SMYD3: variants seen among roughly 807,000 people sequenced by gnomAD.
The protein encoded by SMYD3 is SET and MYND domain containing 3, also known as histone-lysine N-methyltransferase SMYD3.
In SMYD3, 36 loss-of-function variants were observed where a neutral mutation model predicts 57.7. That is an observed-to-expected ratio of 0.62 (90% CI 0.48 to 0.82). SMYD3 has a LOEUF of 0.82. Ranked by LOEUF, SMYD3 falls within the 40% of genes least tolerant of loss-of-function variation. The pLI is 0.00. For synonymous variants in SMYD3, 211 were observed against 195.0 expected, an observed-to-expected ratio of 1.08 and a Z score of -0.68; for missense variants, 515 against 538.8, an observed-to-expected ratio of 0.96 and a Z score of 0.44.
chr1:246,257,922 G>C (rs1315130644), intron 5 of SMYD3, among the ~76,000 whole-genome samples: 2 of 152,110 alleles, frequency 1.3e-5, no homozygotes, highest in Non-Finnish European at 2.9e-5. Context: ...TTTACCTACT[G>C]GCATGAGTAA....
In SMYD3 at chr1:246,036,659, T is replaced by C. The variant is rs946945378; in HGVS notation, c.532-106722A>G. ...AGCTCCACCTCCCGGGTTTACGCCA[T>C]TCTCCTGCCTCAGCCTCCTGAGTAG... On this transcript the variant is annotated intron_variant, in intron 5 of 11. Transcript: ENST00000490107. Among the ~76,000 whole-genome samples the C allele has an allele frequency of 1.3e-4, 20 of 151,118 alleles. 1 individual carries two copies. Among genetic ancestry groups the C allele is most frequent in the Non-Finnish European group, 2.8e-4 (19 of 67,802 alleles).
chr1:246,213,375 G>A (rs780809775), intron 5 of SMYD3, among the ~76,000 whole-genome samples: 3 of 152,156 alleles, frequency 2.0e-5, no homozygotes, highest in Non-Finnish European at 2.9e-5. Context: ...CAGCTCATCC[G>A]CAAGAAGACA....
chr1:245,934,684 G>A (rs901629023), intron 5 of SMYD3, among the ~76,000 whole-genome samples: 11 of 152,052 alleles, frequency 7.2e-5, no homozygotes, highest in African/African-American at 1.5e-4. Flanking sequence ...ATGATGATTC[G>A]CAAATCCCAG....
At position 245,851,673 on chromosome 1, in the gene SMYD3, G is replaced by A. The variant is rs375450934; in HGVS notation, c.1076+6823C>T. ...CAGTGGAGCTCATAACGGGGACAGGGGAGGAACAAGCAGCTTCTCAATTCT... is the reference window on the plus strand; with the variant it reads ...CAGTGGAGCTCATAACGGGGACAGGAGAGGAACAAGCAGCTTCTCAATTCT... On this transcript the variant is annotated intron_variant, in intron 10 of 11. Coordinates refer to ENST00000490107, the MANE Select transcript of SMYD3 (RefSeq NM_001167740.2). 1.1e-4 allele frequency among the ~76,000 whole-genome samples: 17 copies of A among 152,328 alleles called. No individual in the cohort carries two copies. The South Asian group carries it at 1.7e-3, about 15-fold the overall frequency.
chr1:246,326,393 G>A, intron 5 of SMYD3: 1 of 664,190 alleles, frequency 1.5e-6, no homozygotes. Flanking sequence ...TCATGCCTAT[G>A]GGCTAGTGAA....
intron 5 of SMYD3, among the ~76,000 whole-genome samples, chr1:246,212,777 T>C (rs2063110305): frequency 1.3e-5 from 2 of 152,162 alleles, no homozygotes; most frequent in African/African-American, 4.8e-5. Flanking sequence ...ATAAATTTGG[T>C]TAATATTTTC....
At chr1:246,431,647 G>A (rs1010146748) in intron 1 of SMYD3, among the ~76,000 whole-genome samples, 5 of 152,182 alleles carry the variant, frequency 3.3e-5, no homozygotes, top group Non-Finnish European at 2.9e-5. Flanking sequence ...CAGCAGAATC[G>A]CTTGAACCCA....
chr1:246,501,568 G>A (rs950216694), intron 1 of SMYD3, among the ~76,000 whole-genome samples: 1 of 151,912 alleles, frequency 6.6e-6, no homozygotes, highest in Non-Finnish European at 1.5e-5. Flanking sequence ...CCATTGATTC[G>A]GCCACATTTC....
chr1:245,792,132 T>C (rs2047304304), intron 10 of SMYD3, among the ~76,000 whole-genome samples: 1 of 152,152 alleles, frequency 6.6e-6, no homozygotes, highest in Non-Finnish European at 1.5e-5. Context: ...CATTCACTCA[T>C]TCATTTATTC....
chr1:246,332,603 C>T (rs535122060), intron 3 of SMYD3, among the ~76,000 whole-genome samples: 4 of 152,308 alleles, frequency 2.6e-5, no homozygotes, highest in South Asian at 2.1e-4. Context: ...GTCAGGAGCT[C>T]GAGACCAGCC....
Position 246,038,894 on chromosome 1 carries a change from T to C in SMYD3, c.532-108957A>G, listed in dbSNP as rs1323784269. ...ATTTTGTAAGTAGAAACAGGGAAAG[T>C]AAAATGTTGCCAATTAAAATACATG... On this transcript the variant is annotated intron_variant, in intron 5 of 11. Coordinates refer to ENST00000490107, the MANE Select transcript of SMYD3 (RefSeq NM_001167740.2). 2.6e-5 allele frequency among the ~76,000 whole-genome samples: 4 copies of C among 152,238 alleles called. No homozygotes were observed. In the South Asian group the frequency reaches 6.2e-4, roughly 24 times the overall value.
chr1:246,051,652 C>CA (rs199982021), intron 5 of SMYD3, among the ~76,000 whole-genome samples: 4,877 of 131,650 alleles, frequency 0.037, 235 homozygotes, highest in African/African-American at 0.11. Context: ...TTCTGCAGTA[C>CA]AAAAAAAAAA....
chr1:245,785,375 GCTCT>G (rs1370170022), intron 10 of SMYD3, among the ~76,000 whole-genome samples: 3 of 152,188 alleles, frequency 2.0e-5, no homozygotes, highest in African/African-American at 7.2e-5. Context: ...AACCTCAGAG[GCTCT>G]CTAAGTCCTT....
At chr1:246,115,631 T>C (rs2061330432) in intron 5 of SMYD3, among the ~76,000 whole-genome samples, 1 of 152,234 alleles carries the variant, frequency 6.6e-6, no homozygotes, top group African/African-American at 2.4e-5. Flanking sequence ...ATGGTTTCAC[T>C]GGACGGCAGT....
intron 8 of SMYD3, among the ~76,000 whole-genome samples, chr1:245,909,853 C>A (rs2054840111): frequency 6.6e-6 from 1 of 152,158 alleles, no homozygotes; most frequent in East Asian, 1.9e-4. Context: ...CCCAAGCTAG[C>A]ATCACACTTA....
chr1:246,038,172 C>T (rs2059809805), intron 5 of SMYD3, among the ~76,000 whole-genome samples: 1 of 152,158 alleles, frequency 6.6e-6, no homozygotes, highest in Non-Finnish European at 1.5e-5. Context: ...TAGTTTTTTA[C>T]TTGTCTTATA....
At chr1:245,994,552 A>G (rs984912543) in intron 5 of SMYD3, among the ~76,000 whole-genome samples, 3 of 151,768 alleles carry the variant, frequency 2.0e-5, no homozygotes, top group Non-Finnish European at 4.4e-5. Context: ...GGAGCTGGGG[A>G]CTCCAAGCAT....
At chr1:245,802,005 A>G (rs2047892104) in intron 10 of SMYD3, among the ~76,000 whole-genome samples, 1 of 152,160 alleles carries the variant, frequency 6.6e-6, no homozygotes, top group Non-Finnish European at 1.5e-5. Flanking sequence ...CTTGTTATAT[A>G]TAATCAATCA....
chr1:246,290,155 G>A (rs1311510154), intron 5 of SMYD3, among the ~76,000 whole-genome samples: 2 of 152,140 alleles, frequency 1.3e-5, no homozygotes, highest in East Asian at 3.9e-4. Flanking sequence ...AATTGGACTG[G>A]GGAAGACCTG....
Sources: gnomAD v4.1 joint callset for allele counts (sites outside exome capture counted in the v4.1 genomes callset) on GRCh38, gnomAD v4.1.1 for gene constraint, MANE v1.5 for transcripts, NCBI Gene and HGNC (gene_info 2026-07-23, HGNC 2026-07-21) for gene names.